The following EPB41L4B variants were observed in gnomAD, a reference collection of about 807,000 sequenced individuals.
EPB41L4B encodes the protein erythrocyte membrane protein band 4.1 like 4B, also known as band 4.1-like protein 4B.
A neutral mutation model predicts 112.5 loss-of-function variants in EPB41L4B; 30 were observed. The ratio of observed to expected loss-of-function variants is 0.27; its 90% CI spans 0.20 to 0.36. The LOEUF (loss-of-function observed/expected upper bound fraction) is 0.36. Ranked by LOEUF, EPB41L4B falls within the 10% of genes least tolerant of loss-of-function variation. The pLI, the probability that EPB41L4B is intolerant of heterozygous loss-of-function variation, is 1.00. For missense variants in EPB41L4B, 1,024 were observed against 1,133.3 expected (o/e 0.90, Z 1.38); for synonymous variants, 408 against 439.7 (o/e 0.93, Z 0.90).
At position 109,213,776 on chromosome 9, in the gene EPB41L4B, G is replaced by T. The variant is rs200663234; in HGVS notation, c.1676C>A (p.Ala559Asp). 1.2e-4 allele frequency: 200 copies of T among 1,614,048 alleles called. No individual in the cohort carries two copies. Among genetic ancestry groups the T allele is most frequent in the Non-Finnish European group, 1.6e-4 (186 of 1,180,020 alleles). The change falls in exon 17 of 26, where the codon GCC (alanine) becomes GAC (aspartate). Residue 559 changes from alanine (A) to aspartate (D), a missense_variant. Ala to Asp is a moderately radical substitution (Grantham distance 126). Coordinates refer to ENST00000374566, the MANE Select transcript of EPB41L4B (RefSeq NM_019114.5). ...TTCCAGTTCCAGCTTCTTTAGATGG[G>T]CAGCGGCTTCACTGAACAAGGCAGG... ...GTPALFSEAA[A>D]HLKKLELETV...
At chr9:109,292,750 T>C (rs1836579796) in intron 1 of EPB41L4B, among the ~76,000 whole-genome samples, 1 of 152,236 alleles carries the variant, frequency 6.6e-6, no homozygotes, top group Non-Finnish European at 1.5e-5. Context: ...CTCTGTCCTT[T>C]TCCCTTGAAT....
intron 1 of EPB41L4B, among the ~76,000 whole-genome samples, chr9:109,317,727 T>G (rs147418624): frequency 2.0e-5 from 3 of 152,326 alleles, no homozygotes; most frequent in African/African-American, 7.2e-5. Context: ...AGAAGCCAGC[T>G]TGGGGTATCA....
At chr9:109,261,993 T>C (rs904131619) in intron 6 of EPB41L4B, among the ~76,000 whole-genome samples, 2 of 152,210 alleles carry the variant, frequency 1.3e-5, no homozygotes, top group East Asian at 1.9e-4. Flanking sequence ...TCTGATGTAC[T>C]AATGAAATCC....
Position 109,320,438 on chromosome 9 carries a change from C to T in EPB41L4B, c.9G>A (p.Arg3=). 3.0e-6 allele frequency: 3 copies of T among 990,814 alleles called. No individual in the cohort carries two copies. The highest frequency in any genetic ancestry group is 3.6e-6 in the Non-Finnish European group (3 of 835,420). The allele number at this position is 990,814 out of a possible 1,614,324, so 61.4% of individuals were successfully genotyped here. A position where few individuals can be genotyped will look rare whatever the true frequency, so the allele number is the denominator to read the frequency against. Residue 3 remains arginine, a synonymous_variant, in exon 1 of 26, where the codon CGG becomes CGA. Transcript: ENST00000374566. ...GGCGGCCAAAGGTCCGGCGCAGGAACCGCAGCATCCTGGCTGGGGGCGCCC... is the reference window on the plus strand; with the variant it reads ...GGCGGCCAAAGGTCCGGCGCAGGAATCGCAGCATCCTGGCTGGGGGCGCCC... The part of the protein sequence containing the change: ML[R]FLRRTFGRRS...
At chr9:109,311,469 T>C (rs1047562068) in intron 1 of EPB41L4B, among the ~76,000 whole-genome samples, 8 of 152,114 alleles carry the variant, frequency 5.3e-5, no homozygotes, top group Admixed American at 4.6e-4. Context: ...CCGGGGGGAC[T>C]GAGCTGGGTA....
rs1186040562 is a variant in EPB41L4B, at chr9:109,255,832, G to A, written c.941C>T (p.Thr314Ile). Residue 314 changes from threonine (T) to isoleucine (I), a missense_variant, in exon 10 of 26, where the codon ACC (threonine) becomes ATC (isoleucine). Coordinates refer to ENST00000374566, the MANE Select transcript of EPB41L4B (RefSeq NM_019114.5). Reference sequence around the variant, plus strand: ...TTTGCTCTTTTTAAAATCCATTTTGGTAATTTTAGGCCTAGTCAGACAGAA... The same window carrying A: ...TTTGCTCTTTTTAAAATCCATTTTGATAATTTTAGGCCTAGTCAGACAGAA... Reference protein sequence around the residue: ...KIGLFFWPKITKMDFKKSKLT... With the variant: ...KIGLFFWPKIIKMDFKKSKLT... 1 of 1,613,780 alleles carries A rather than the reference G, an allele frequency of 6.2e-7. No homozygotes were observed. Among genetic ancestry groups the A allele is most frequent in the Non-Finnish European group, 8.5e-7 (1 of 1,179,918 alleles).
At chr9:109,243,378 T>C (rs1214721473) in intron 15 of EPB41L4B, among the ~76,000 whole-genome samples, 1 of 152,100 alleles carries the variant, frequency 6.6e-6, no homozygotes, top group Non-Finnish European at 1.5e-5. Context: ...CAAGAATATA[T>C]GAGATCAGAA....
chr9:109,294,899 G>A (rs895190256), intron 1 of EPB41L4B, among the ~76,000 whole-genome samples: 10 of 152,138 alleles, frequency 6.6e-5, no homozygotes, highest in African/African-American at 2.4e-4. Flanking sequence ...ACGTGCAAAG[G>A]AGTTGGGGAT....
Position 109,192,328 on chromosome 9 carries a change from T to C in EPB41L4B, c.2251A>G (p.Thr751Ala), listed in dbSNP as rs930429397. ...KSPSDRGGAF[T>A]LEPGDLLMDF... ...ATCAGAAGATCACCCGGCTCCAGGG[T>C]AAAGGCACCTCCTCGGTCAGAGGGG... Residue 751 changes from threonine (T) to alanine (A), a missense_variant, in exon 22 of 26, where the codon ACC becomes GCC. Coordinates refer to ENST00000374566, the MANE Select transcript of EPB41L4B (RefSeq NM_019114.5). The C allele has an allele frequency of 6.2e-7, 1 of 1,612,236 alleles. No individual in the cohort carries two copies. Among genetic ancestry groups the C allele is most frequent in the Non-Finnish European group, 8.5e-7 (1 of 1,179,138 alleles).
At chr9:109,302,592 A>C (rs1837011656) in intron 1 of EPB41L4B, among the ~76,000 whole-genome samples, 1 of 152,022 alleles carries the variant, frequency 6.6e-6, no homozygotes, top group Non-Finnish European at 1.5e-5. Context: ...CTCTGCCATG[A>C]CTGACAGGGA....
At chr9:109,198,583 C>T (rs1466626314) in intron 20 of EPB41L4B, among the ~76,000 whole-genome samples, 1 of 152,130 alleles carries the variant, frequency 6.6e-6, no homozygotes, top group Non-Finnish European at 1.5e-5. Flanking sequence ...CATCTGGGCA[C>T]AGTACCCATG....
intron 8 of EPB41L4B, 65 bp downstream of exon 8, chr9:109,256,328 G>A (rs1268741314): frequency 6.3e-7 from 1 of 1,592,488 alleles, no homozygotes; most frequent in Non-Finnish European, 8.6e-7. Flanking sequence ...TATTTTGTTT[G>A]CATAATGTTC....
chr9:109,200,524 A>G (rs545973557), intron 19 of EPB41L4B, among the ~76,000 whole-genome samples, 190 bp from the exon 20 acceptor site: 1 of 152,298 alleles, frequency 6.6e-6, no homozygotes, highest in Non-Finnish European at 1.5e-5. Flanking sequence ...GAAAATCCAA[A>G]CAGTAAGAAA....
intron 15 of EPB41L4B, among the ~76,000 whole-genome samples, chr9:109,221,046 C>T (rs1588146295): frequency 6.6e-6 from 1 of 152,144 alleles, no homozygotes; most frequent in African/African-American, 2.4e-5. Context: ...TTGGGTTAAG[C>T]GATTTCTGGG....
chr9:109,233,986 GGTTCACAGAAA>G, intron 15 of EPB41L4B, among the ~76,000 whole-genome samples: 1 of 152,086 alleles, frequency 6.6e-6, no homozygotes, highest in East Asian at 1.9e-4. Flanking sequence ...GGTTTCAGAT[GGTTCACAGAAA>G]ACATATAACA....
intron 1 of EPB41L4B, among the ~76,000 whole-genome samples, chr9:109,288,237 A>G (rs1836374206): frequency 6.6e-6 from 1 of 152,188 alleles, no homozygotes; most frequent in African/African-American, 2.4e-5. Flanking sequence ...CTCACCAGTC[A>G]CTGAATCTAC....
chr9:109,240,031 C>T, intron 15 of EPB41L4B: 1 of 985,364 alleles, frequency 1.0e-6, no homozygotes, highest in South Asian at 4.7e-5. Context: ...CTTGCTCCAC[C>T]CACCTAACTG....
At chr9:109,277,339 A>T (rs1835871443) in intron 2 of EPB41L4B, among the ~76,000 whole-genome samples, 1 of 145,288 alleles carries the variant, frequency 6.9e-6, no homozygotes, top group Non-Finnish European at 1.5e-5. Flanking sequence ...AAAAAGATGG[A>T]CAGACAGAAT....
intron 15 of EPB41L4B, among the ~76,000 whole-genome samples, chr9:109,231,032 G>A (rs1202516763): frequency 2.0e-5 from 3 of 151,956 alleles, no homozygotes; most frequent in Non-Finnish European, 4.4e-5. Flanking sequence ...AGTGGTGCAC[G>A]CCTGTAGTCC....
Sources: allele counts gnomAD v4.1 joint callset (sites outside exome capture counted in the v4.1 genomes callset), GRCh38; gene constraint gnomAD v4.1.1; transcripts MANE v1.5; gene names NCBI Gene and HGNC (gene_info 2026-07-23, HGNC 2026-07-21).